PPIL2: variants seen among roughly 807,000 people sequenced by gnomAD.
PPIL2 encodes peptidylprolyl isomerase like 2.
Under a neutral mutation model 75.2 loss-of-function variants are expected in PPIL2, and 50 were observed. The ratio of observed to expected loss-of-function variants is 0.66; its 90% confidence interval spans 0.53 to 0.84. The LOEUF is 0.84. Ranked by LOEUF, PPIL2 falls within the 40% of genes least tolerant of loss-of-function variation. PPIL2 has a pLI of 0.00. For synonymous variants in PPIL2, 245 were observed against 258.8 expected (o/e 0.95, Z 0.51); for missense variants, 590 against 685.0 (o/e 0.86, Z 1.55).
intron 1 of PPIL2, among the ~76,000 whole-genome samples, chr22:21,666,677 C>T (rs970925478): frequency 6.6e-6 from 1 of 151,982 alleles, no homozygotes; most frequent in Admixed American, 6.6e-5. Context: ...GGCGTGGTGA[C>T]GGGCGCCTGT....
At position 21,683,356 on chromosome 22, in the gene PPIL2, G is replaced by A; in HGVS notation, c.553+99G>A. ...CCCCCGCTTTCCTGGAGGTCAGGGG[G>A]TCCCAGCCCAGACAGGCCCTGCATT... is the stretch of plus-strand genomic sequence containing the variant. On this transcript the variant is annotated intron_variant, in intron 9 of 19. Transcript: ENST00000398831. 1.0e-5 allele frequency: 11 copies of A among 1,059,252 alleles called. No individual in the cohort carries two copies. The South Asian group carries it at 1.2e-4, about 11-fold the overall frequency. The allele number at this position is 1,059,252 out of a possible 1,614,324, so 65.6% of individuals were successfully genotyped here. A position where few individuals can be genotyped will look rare whatever the true frequency, so the allele number is the denominator to read the frequency against.
intron 19 of PPIL2, 126 bp from the exon 20 acceptor site, chr22:21,695,268 C>A (rs1399098646): frequency 3.0e-6 from 4 of 1,327,998 alleles, no homozygotes; most frequent in South Asian, 1.4e-5. Flanking sequence ...AGATCAAATT[C>A]AGGGGGATGT....
chr22:21,684,859 T>G lies in PPIL2; in HGVS notation c.660T>G (p.Ile220Met). 6.2e-7 allele frequency: 1 copy of G among 1,614,028 alleles called. No homozygotes were observed. The highest frequency in any genetic ancestry group is 1.1e-5 in the South Asian group (1 of 91,076). Residue 220 changes from isoleucine (I) to methionine (M), a missense_variant, in exon 10 of 20, where the codon ATT (isoleucine) becomes ATG (methionine). Physicochemically the swap from Ile to Met is conservative, Grantham distance 10. Coordinates refer to ENST00000398831, the MANE Select transcript of PPIL2 (RefSeq NM_014337.4). Reference sequence around the variant, plus strand: ...ACAAGGAGTTCAAAGGGGACGAGATTCTGGCAGCCACCATGAAGGCCCCGG... The same window carrying G: ...ACAAGGAGTTCAAAGGGGACGAGATGCTGGCAGCCACCATGAAGGCCCCGG... The part of the protein sequence containing the change: ...ELYKEFKGDE[I>M]LAATMKAPEK...
chr22:21,684,277 G>C (rs1375536690), intron 9 of PPIL2, among the ~76,000 whole-genome samples: 2 of 53,450 alleles, frequency 3.7e-5, no homozygotes, highest in Non-Finnish European at 7.6e-5. Flanking sequence ...CGGATCACGA[G>C]GTTACAAGAT....
chr22:21,677,635 G>C (rs1000854385), intron 6 of PPIL2, among the ~76,000 whole-genome samples: 1 of 152,234 alleles, frequency 6.6e-6, no homozygotes, highest in African/African-American at 2.4e-5. Flanking sequence ...GCAGTGAGCC[G>C]AGATGGCAGC....
chr22:21,690,115 G>A (rs922880330), intron 15 of PPIL2, among the ~76,000 whole-genome samples: 1 of 152,172 alleles, frequency 6.6e-6, no homozygotes, highest in African/African-American at 2.4e-5. Flanking sequence ...AGGCGTGGTG[G>A]CTCACACCTG....
In PPIL2 at chr22:21,675,766, AGGC is replaced by A. The variant is rs536006728; in HGVS notation, c.295+655_295+657del. ...CAGAAGTTGCTCATGCTGGGAACCA[AGGC>A]GGCAGCTGAGTAGGGGATGTGGGTG... On this transcript the variant is annotated intron_variant, in intron 6 of 19. Transcript: ENST00000398831. Among the ~76,000 whole-genome samples, 11 of 152,348 alleles carry A rather than the reference AGGC, an allele frequency of 7.2e-5. No homozygotes were observed. The South Asian group carries it at 2.3e-3, about 32-fold the overall frequency.
In PPIL2 at chr22:21,696,803, C is replaced by A; in HGVS notation, c.*1313C>A. The A allele has an allele frequency of 1.3e-6, 2 of 1,551,538 alleles. No individual in the cohort carries two copies. Among genetic ancestry groups the A allele is most frequent in the Non-Finnish European group, 1.7e-6 (2 of 1,148,092 alleles). On this transcript the variant is annotated 3_prime_UTR_variant, in exon 20 of 20. Transcript: ENST00000398831. ...TTCTCATCAATCACTGATGCTGAAG[C>A]TGCAGGCCTGAGCCCTTTGTCTCCC... is the stretch of plus-strand genomic sequence containing the variant.
In PPIL2 at chr22:21,696,900, C is replaced by T. The variant is rs781420143; in HGVS notation, c.*1410C>T. On this transcript the variant is annotated 3_prime_UTR_variant, in exon 20 of 20. Transcript: ENST00000398831. ...ACTGCCACAGGCTGCCTGATGACCACTAGAGGTATGTCTGCCCCTCGTCAC... is the reference window on the plus strand; with the variant it reads ...ACTGCCACAGGCTGCCTGATGACCATTAGAGGTATGTCTGCCCCTCGTCAC... The T allele has an allele frequency of 1.9e-6, 3 of 1,593,924 alleles. No individual in the cohort carries two copies. Among genetic ancestry groups the T allele is most frequent in the South Asian group, 2.3e-5 (2 of 87,068 alleles).
intron 15 of PPIL2, among the ~76,000 whole-genome samples, chr22:21,689,905 G>C (rs1426283925): frequency 1.3e-5 from 2 of 152,228 alleles, no homozygotes. Flanking sequence ...GAGTGGATGG[G>C]TGTCTCCGTG....
chr22:21,695,434 G>C lies in PPIL2; in HGVS notation c.1507G>C (p.Val503Leu). Residue 503 changes from valine (V) to leucine (L), a missense_variant, in exon 20 of 20, where the codon GTC (valine) becomes CTC (leucine). By Grantham distance (32) the Val-to-Leu change is conservative. Transcript: ENST00000398831. ...AEEEPSTSAT[V>L]PMSKKKPSRG... is the part of the protein sequence containing the mutation. ...GGAAGAGCCCTCAACCAGTGCCACT[G>C]TCCCCATGTCCAAGAAGAAGCCCAG... 6.2e-7 allele frequency: 1 copy of C among 1,610,714 alleles called. No individual in the cohort carries two copies. Among genetic ancestry groups the C allele is most frequent in the Admixed American group, 1.7e-5 (1 of 59,560 alleles).
At chr22:21,684,012 A>G (rs1452134749) in intron 9 of PPIL2, among the ~76,000 whole-genome samples, 27 of 151,016 alleles carry the variant, frequency 1.8e-4, no homozygotes, top group Non-Finnish European at 1.5e-4. Flanking sequence ...GTTCGAGACC[A>G]GCCTGGGCAA....
At chr22:21,684,469 A>AAG (rs1555897448) in intron 9 of PPIL2, among the ~76,000 whole-genome samples, 87 of 149,304 alleles carry the variant, frequency 5.8e-4, no homozygotes, top group African/African-American at 2.1e-3. Context: ...AAAAAAAAAA[A>AAG]AAAAAAGAAA....
intron 17 of PPIL2, 44 bp downstream of exon 17, chr22:21,694,709 A>C (rs778936715): frequency 6.2e-7 from 1 of 1,612,410 alleles, no homozygotes; most frequent in East Asian, 2.2e-5. Context: ...GGGGCCAGGC[A>C]GGCAGGGGGA....
Position 21,695,579 on chromosome 22 carries a change from TCTGCTGCCAGCCAATAAATTGCTTGC to T in PPIL2, c.*98_*123del. 1 of 1,533,950 alleles carries T rather than the reference TCTGCTGCCAGCCAATAAATTGCTTGC, an allele frequency of 6.5e-7. No individual in the cohort carries two copies. The highest frequency in any genetic ancestry group is 8.8e-7 in the Non-Finnish European group (1 of 1,138,788). ...CATTTCCAGCCTTTCTAGCCTGCCC[TCTGCTGCCAGCCAATAAATTGCTTGC>T]CTGCTGCCTGCATCCCCTTTCCTGG... On this transcript the variant is annotated 3_prime_UTR_variant, in exon 20 of 20. Transcript: ENST00000398831.
intron 12 of PPIL2, 79 bp downstream of exon 12, chr22:21,687,077 C>A: frequency 7.6e-7 from 1 of 1,313,796 alleles, no homozygotes; most frequent in Non-Finnish European, 1.1e-6. Context: ...AAATATAGGG[C>A]TGCCACTGGT....
chr22:21,677,039 ACCTCCCTCCCGGACGGGGCGGCTGCCG>A (rs2066895939), intron 6 of PPIL2, among the ~76,000 whole-genome samples: 2 of 136,386 alleles, frequency 1.5e-5, no homozygotes, highest in East Asian at 2.2e-4. Flanking sequence ...GCTGCCCCCC[ACCTCCCTCCCGGACGGGGCGGCTGCCG>A]GGCGGAGACG....
intron 2 of PPIL2, 44 bp from the exon 3 acceptor site, chr22:21,670,522 C>CT: frequency 6.4e-7 from 1 of 1,560,126 alleles, no homozygotes; most frequent in East Asian, 2.2e-5. Context: ...AGATGAAATA[C>CT]TTTACAGAGT....
At position 21,692,364 on chromosome 22, in the gene PPIL2, G is replaced by T. The variant is rs1210417; in HGVS notation, c.1140-1452G>T. ...AGAGATGGGGTTTCACCGTGTTAGCGAGGATGGTCTCGATCTCCTGACCTT... is the reference window on the plus strand; with the variant it reads ...AGAGATGGGGTTTCACCGTGTTAGCTAGGATGGTCTCGATCTCCTGACCTT... On this transcript the variant is annotated intron_variant, in intron 15 of 19. Coordinates refer to ENST00000398831, the MANE Select transcript of PPIL2 (RefSeq NM_014337.4). Among the ~76,000 whole-genome samples, 225 of 150,558 alleles carry T rather than the reference G, an allele frequency of 1.5e-3. 1 individual carries two copies. Among genetic ancestry groups the T allele is most frequent in the South Asian group, 6.7e-3 (32 of 4,760 alleles).
Sources: gnomAD v4.1 joint callset for allele counts (sites outside exome capture counted in the v4.1 genomes callset) on GRCh38, gnomAD v4.1.1 for gene constraint, MANE v1.5 for transcripts, NCBI Gene and HGNC (gene_info 2026-07-23, HGNC 2026-07-21) for gene names.